Variants in SSU72 observed in about 807,000 individuals in gnomAD.
SSU72 encodes SSU72 homolog, RNA polymerase II CTD phosphatase, also known as RNA polymerase II subunit A C-terminal domain phosphatase SSU72.
In SSU72, 12 loss-of-function variants were observed where a neutral mutation model predicts 22.7. The ratio of observed to expected loss-of-function variants is 0.53; its 90% CI spans 0.34 to 0.86. SSU72 has a LOEUF of 0.86. Among genes scored for constraint, SSU72 ranks in the 40% least tolerant of loss-of-function variants. SSU72 has a pLI of 0.02. For missense variants in SSU72, 151 were observed against 249.8 expected (o/e 0.60, Z 2.67); for synonymous variants, 116 against 98.3 (o/e 1.18, Z -1.06).
intron 2 of SSU72, chr1:1,560,928 A>C (rs1314317358): frequency 6.6e-6 from 1 of 152,370 alleles, no homozygotes; most frequent in Middle Eastern, 3.4e-3. Context: ...TGCATGTCCT[A>C]ATTTATTTAA....
intron 2 of SSU72, 60 bp downstream of exon 2, chr1:1,564,713 C>A (rs575403187): frequency 1.2e-6 from 2 of 1,614,078 alleles, no homozygotes; most frequent in African/African-American, 1.3e-5. Context: ...CCGAGCCACA[C>A]GTAACACCTT....
chr1:1,562,754 A>G (rs1642610442), intron 2 of SSU72: 1 of 152,344 alleles, frequency 6.6e-6, no homozygotes, highest in African/African-American at 2.4e-5. Context: ...TCAGCCCACG[A>G]CGGGAGCAGA....
chr1:1,546,944 A>G lies in SSU72; in HGVS notation c.225-1942T>C, dbSNP rs191223425. Among the ~76,000 whole-genome samples the G allele has an allele frequency of 3.7e-3, 553 of 151,234 alleles. 1 individual carries two copies. Among genetic ancestry groups the G allele is most frequent in the Non-Finnish European group, 6.3e-3 (428 of 67,850 alleles). On this transcript the variant is annotated intron_variant, in intron 2 of 4. Coordinates refer to ENST00000291386, the MANE Select transcript of SSU72 (RefSeq NM_014188.3). ...CTACTCGGGAGGCTGAGGCAGGAGA[A>G]GCTTGAACCTGGGAGGCGGAGCTTG...
Position 1,544,900 on chromosome 1 carries a change from G to C in SSU72, c.327C>G (p.Leu109=), listed in dbSNP as rs751989885. 3 of 1,614,230 alleles carry C rather than the reference G, an allele frequency of 1.9e-6. No individual in the cohort carries two copies. Among genetic ancestry groups the C allele is most frequent in the Non-Finnish European group, 2.5e-6 (3 of 1,180,048 alleles). The change falls in exon 3 of 5, where the codon CTC becomes CTG. Residue 109 remains leucine (L), a synonymous_variant. Coordinates refer to ENST00000291386, the MANE Select transcript of SSU72 (RefSeq NM_014188.3). The part of the protein sequence containing the change: ...QNCKDLFDLI[L]TCEERVYDQV... ...GGTCATACACTCTCTCTTCGCAAGT[G>C]AGGATCAGATCAAACAGGTCTTTGC... is the stretch of plus-strand genomic sequence containing the variant.
chr1:1,544,848 C>T lies in SSU72; in HGVS notation c.364+15G>A, dbSNP rs1642372196. On this transcript the variant is annotated intron_variant, in intron 3 of 4. Coordinates refer to ENST00000291386, the MANE Select transcript of SSU72 (RefSeq NM_014188.3). ...AGCTGCTGGAGCCCAGCCCAGCACG[C>T]AGCCGCCTCCTCACCTTCCACCACC... is the stretch of plus-strand genomic sequence containing the variant. 1 of 1,614,026 alleles carries T rather than the reference C, an allele frequency of 6.2e-7. No homozygotes were observed. The highest frequency in any genetic ancestry group is 1.3e-5 in the African/African-American group (1 of 74,950).
At chr1:1,574,005 A>G (rs560358486) in intron 1 of SSU72, among the ~76,000 whole-genome samples, 47 of 146,658 alleles carry the variant, frequency 3.2e-4, no homozygotes, top group Middle Eastern at 6.8e-3. Flanking sequence ...TCCAGGGAGG[A>G]AGAGAGGATC....
chr1:1,567,510 T>C (rs1257992647), intron 1 of SSU72, among the ~76,000 whole-genome samples: 3 of 151,958 alleles, frequency 2.0e-5, no homozygotes, highest in Non-Finnish European at 4.4e-5. Flanking sequence ...GACGGAAACA[T>C]GAGGTTAAAG....
rs182372081 is a variant in SSU72 at position 1,543,543 on chromosome 1, C to T, written c.483+326G>A. Reference sequence around the variant, plus strand: ...TACCAGCAGGCGCCCCCGACACAGGCGAGCTGAGCAGACCTTGCCCCAAGC... The same window carrying T: ...TACCAGCAGGCGCCCCCGACACAGGTGAGCTGAGCAGACCTTGCCCCAAGC... On this transcript the variant is annotated intron_variant, in intron 4 of 4. Transcript: ENST00000291386. Among the ~76,000 whole-genome samples the T allele has an allele frequency of 3.7e-3, 566 of 151,940 alleles. 4 individuals carry two copies. Among genetic ancestry groups the T allele is most frequent in the African/African-American group, 0.013 (521 of 41,194 alleles).
intron 2 of SSU72, 69 bp downstream of exon 2, chr1:1,564,704 C>G (rs777452275): frequency 6.2e-7 from 1 of 1,614,060 alleles, no homozygotes; most frequent in Non-Finnish European, 8.5e-7. Context: ...CTCCTGTGCC[C>G]GAGCCACACG....
At chr1:1,569,166 T>A (rs1642698414) in intron 1 of SSU72, among the ~76,000 whole-genome samples, 1 of 149,862 alleles carries the variant, frequency 6.7e-6, no homozygotes, top group Admixed American at 6.6e-5. Flanking sequence ...AGAATGAGAC[T>A]CCGTCTCAAA....
At chr1:1,552,352 G>T (rs940993802) in intron 2 of SSU72, among the ~76,000 whole-genome samples, 1 of 152,250 alleles carries the variant, frequency 6.6e-6, no homozygotes, top group African/African-American at 2.4e-5. Context: ...TCCCTGTGCG[G>T]CCTCCTCCTT....
intron 2 of SSU72, chr1:1,560,785 G>C (rs913876932): frequency 3.9e-5 from 6 of 152,176 alleles, no homozygotes; most frequent in Non-Finnish European, 7.3e-5. Flanking sequence ...CCAGGAGTTC[G>C]AGACAAACCT....
At position 1,558,595 on chromosome 1, in the gene SSU72, T is replaced by G. The variant is rs573550541; in HGVS notation, c.224+6178A>C. 1.2e-3 allele frequency among the ~76,000 whole-genome samples: 181 copies of G among 152,350 alleles called. 2 individuals are homozygous for G. The highest frequency in any genetic ancestry group is 4.3e-3 in the African/African-American group (178 of 41,572). On this transcript the variant is annotated intron_variant, in intron 2 of 4. Transcript: ENST00000291386. The stretch of plus-strand genomic sequence containing the variant: ...ACGTTTACTTGCTTTTGAAGACAAG[T>G]GGTTTTGCAGTTCATAACACAAAAA...
intron 2 of SSU72, among the ~76,000 whole-genome samples, chr1:1,556,739 C>T (rs1333455388): frequency 6.6e-6 from 1 of 152,198 alleles, no homozygotes. Context: ...CATGGCCTTG[C>T]GACTGCAGGC....
At chr1:1,568,806 C>T (rs1378174147) in intron 1 of SSU72, among the ~76,000 whole-genome samples, 1 of 151,618 alleles carries the variant, frequency 6.6e-6, no homozygotes, top group Non-Finnish European at 1.5e-5. Context: ...TGCCTGTAAT[C>T]CCAGCTACTT....
chr1:1,547,129 CG>C (rs1342957673), intron 2 of SSU72, among the ~76,000 whole-genome samples: 1 of 152,096 alleles, frequency 6.6e-6, no homozygotes, highest in Non-Finnish European at 1.5e-5. Context: ...GGAGAGGAAC[CG>C]GGGTCAGGGT....
In SSU72 at chr1:1,541,736, T is replaced by A. The variant is rs527526821; in HGVS notation, c.*330A>T. On this transcript the variant is annotated 3_prime_UTR_variant, in exon 5 of 5. Transcript: ENST00000291386. ...CCTAACACGCCGCAGCAGGGCTCTG[T>A]ACAGTCCGGCCCGGTGGGGAGGAGG... 7.0e-4 allele frequency: 257 copies of A among 366,728 alleles called. No individual in the cohort carries two copies. The highest frequency in any genetic ancestry group is 4.9e-3 in the African/African-American group (232 of 47,432). 22.7% of individuals were successfully genotyped at this position (366,728 alleles called of 1,614,324 possible).
intron 1 of SSU72, among the ~76,000 whole-genome samples, chr1:1,565,135 TCATGAAGGCAGGC>T (rs1201188021): frequency 3.3e-5 from 5 of 151,644 alleles, no homozygotes; most frequent in African/African-American, 1.2e-4. Flanking sequence ...GGCAGGCGGA[TCATGAAGGCAGGC>T]GGATCATGAA....
chr1:1,548,056 G>A (rs897973407), intron 2 of SSU72, among the ~76,000 whole-genome samples: 1 of 152,212 alleles, frequency 6.6e-6, no homozygotes, highest in African/African-American at 2.4e-5. Context: ...CCAGAAAAGT[G>A]GGCCAAGAGA....
Sources: gnomAD v4.1 joint callset for allele counts (sites outside exome capture counted in the v4.1 genomes callset) on GRCh38, gnomAD v4.1.1 for gene constraint, MANE v1.5 for transcripts, NCBI Gene and HGNC (gene_info 2026-07-23, HGNC 2026-07-21) for gene names.